WDR41: variants seen among roughly 807,000 people sequenced by gnomAD.
WDR41 encodes the protein WD repeat domain 41.
A neutral mutation model predicts 69.3 loss-of-function variants in WDR41; 63 were observed. That is an observed-to-expected ratio of 0.91 (90% confidence interval 0.74 to 1.12). The LOEUF (loss-of-function observed/expected upper bound fraction) is 1.12, where lower values mean the gene tolerates loss of function less well. Ranked by LOEUF, WDR41 falls within the 50% of genes most tolerant of loss-of-function variation. WDR41 has a pLI of 0.00. For missense variants in WDR41, 543 were observed against 534.5 expected, an observed-to-expected ratio of 1.02 and a Z score of -0.16; for synonymous variants, 185 against 192.1, an observed-to-expected ratio of 0.96 and a Z score of 0.31.
intron 3 of WDR41, among the ~76,000 whole-genome samples, chr5:77,464,477 C>T (rs1336608469): frequency 6.6e-6 from 1 of 151,582 alleles, no homozygotes; most frequent in Non-Finnish European, 1.5e-5. Flanking sequence ...AAACTCCTGG[C>T]CCCAAGTTAT....
At chr5:77,602,667 G>C (rs1175827450) in intron 1 of WDR41, among the ~76,000 whole-genome samples, 1 of 152,056 alleles carries the variant, frequency 6.6e-6, no homozygotes, top group African/African-American at 2.4e-5. Context: ...TGGACATTTA[G>C]GTTGATTCCA....
At chr5:77,532,781 A>G (rs1391321723) in intron 1 of WDR41, among the ~76,000 whole-genome samples, 3 of 152,128 alleles carry the variant, frequency 2.0e-5, no homozygotes, top group Non-Finnish European at 4.4e-5. Flanking sequence ...TACAGTAAAT[A>G]TGAATTATTG....
chr5:77,487,983 T>C (rs1445756424), intron 2 of WDR41, among the ~76,000 whole-genome samples: 1 of 152,208 alleles, frequency 6.6e-6, no homozygotes, highest in Non-Finnish European at 1.5e-5. Flanking sequence ...TGGGACCCCC[T>C]AGGCCTTGCC....
intron 1 of WDR41, among the ~76,000 whole-genome samples, chr5:77,510,294 C>T (rs1322688388): frequency 2.0e-5 from 3 of 152,160 alleles, no homozygotes; most frequent in Non-Finnish European, 4.4e-5. Context: ...CATTCACTCT[C>T]ACAAGAACAG....
intron 1 of WDR41, among the ~76,000 whole-genome samples, chr5:77,573,930 A>G (rs1743778112): frequency 6.6e-6 from 1 of 152,152 alleles, no homozygotes; most frequent in Admixed American, 6.6e-5. Context: ...CCCTGGTCTC[A>G]TTATTGCTTG....
chr5:77,551,925 G>A (rs1217961472), intron 1 of WDR41, among the ~76,000 whole-genome samples: 1 of 151,372 alleles, frequency 6.6e-6, no homozygotes, highest in African/African-American at 2.4e-5. Context: ...GTTGCAGCGA[G>A]CCGAGATCGT....
intron 1 of WDR41, among the ~76,000 whole-genome samples, chr5:77,531,117 A>G: frequency 6.6e-6 from 1 of 152,040 alleles, no homozygotes; most frequent in South Asian, 2.1e-4. Context: ...TAGATATAAA[A>G]CCAAAAGTAC....
intron 1 of WDR41, among the ~76,000 whole-genome samples, chr5:77,507,738 C>G (rs1014790391): frequency 1.3e-5 from 2 of 152,120 alleles, no homozygotes; most frequent in African/African-American, 4.8e-5. Context: ...AGGTATGGAT[C>G]TCTTTGTTTA....
rs71606297 is a variant in WDR41, at chr5:77,464,274, C to CTTTTTTTTT, written c.216+478_216+486dup. On this transcript the variant is annotated intron_variant, in intron 3 of 12. Coordinates refer to ENST00000296679, the MANE Select transcript of WDR41 (RefSeq NM_018268.4). ...TTGGCATTTGTTTCTTAGGAAAAAACTTTTTTTTTTTTTTTTTTTTTTTGA... is the reference window on the plus strand; with the variant it reads ...TTGGCATTTGTTTCTTAGGAAAAAACTTTTTTTTTTTTTTTTTTTTTTTTTTTTTTTTGA... 7.2e-4 allele frequency among the ~76,000 whole-genome samples: 68 copies of CTTTTTTTTT among 94,220 alleles called. 1 individual carries two copies. Among genetic ancestry groups the CTTTTTTTTT allele is most frequent in the Non-Finnish European group, 9.2e-4 (47 of 51,006 alleles). 61.8% of individuals were successfully genotyped at this position (94,220 alleles called of 152,430 possible).
chr5:77,582,891 C>A (rs567971374), intron 1 of WDR41: 3 of 1,607,242 alleles, frequency 1.9e-6, no homozygotes, highest in East Asian at 4.5e-5. Context: ...TGACAGATAA[C>A]GCTTTGATTG....
chr5:77,541,377 A>T (rs1743084589), intron 1 of WDR41, among the ~76,000 whole-genome samples: 1 of 151,508 alleles, frequency 6.6e-6, no homozygotes, highest in Non-Finnish European at 1.5e-5. Flanking sequence ...ATCATTAGAG[A>T]AATGCAAATC....
At chr5:77,547,097 A>T (rs1023710294) in intron 1 of WDR41, among the ~76,000 whole-genome samples, 1 of 152,114 alleles carries the variant, frequency 6.6e-6, no homozygotes, top group Non-Finnish European at 1.5e-5. Context: ...ACTCTCAGCA[A>T]AATCAGCATA....
At position 77,491,977 on chromosome 5, in the gene WDR41, C is replaced by G. The variant is rs1801814533; in HGVS notation, c.51+193G>C. 3 of 649,828 alleles carry G rather than the reference C, an allele frequency of 4.6e-6. No homozygotes were observed. The South Asian group carries it at 6.6e-5, about 14-fold the overall frequency. 40.3% of individuals were successfully genotyped at this position (649,828 alleles called of 1,614,324 possible). ...CAGCTCCAGGGTGCGCCTGGGGTCC[C>G]GCCGGGTCTGAGGAGCTCCGGCTCC... is the stretch of plus-strand genomic sequence containing the variant. On this transcript the variant is annotated intron_variant, in intron 1 of 12. Transcript: ENST00000296679.
At chr5:77,594,910 A>G (rs780714416) in intron 1 of WDR41, among the ~76,000 whole-genome samples, 1 of 152,250 alleles carries the variant, frequency 6.6e-6, no homozygotes, top group Non-Finnish European at 1.5e-5. Context: ...TCAGAGCATT[A>G]GAAAATAGAT....
At position 77,497,719 on chromosome 5, in the gene WDR41, A is replaced by G. The variant is rs568054223; in HGVS notation, c.43-8147T>C. On this transcript the variant is annotated intron_variant, in intron 1 of 5. Transcript: ENST00000509971. ...CTCGAAAGTTAAACATACAACTACC[A>G]TATGACCCAGCAAGTCCACCTCTAG... Among the ~76,000 whole-genome samples, 12 of 152,278 alleles carry G rather than the reference A, an allele frequency of 7.9e-5. No individual in the cohort carries two copies. In the South Asian group the frequency reaches 2.5e-3, roughly 32 times the overall value.
chr5:77,488,313 A>G (rs561662074), intron 2 of WDR41, among the ~76,000 whole-genome samples: 55 of 152,314 alleles, frequency 3.6e-4, no homozygotes, highest in African/African-American at 1.3e-3. Flanking sequence ...TAAAGAGCAG[A>G]GAGAAGGCTG....
At chr5:77,553,389 G>A (rs1743333068) in intron 1 of WDR41, among the ~76,000 whole-genome samples, 1 of 152,110 alleles carries the variant, frequency 6.6e-6, no homozygotes, top group African/African-American at 2.4e-5. Context: ...GCCTAAGCTA[G>A]TTCCCTCCAG....
At chr5:77,556,091 T>C (rs1456625640) in intron 1 of WDR41, among the ~76,000 whole-genome samples, 4 of 138,004 alleles carry the variant, frequency 2.9e-5, no homozygotes, top group Non-Finnish European at 6.2e-5. Context: ...GGGGAAAAGA[T>C]GGACTTTTTT....
intron 1 of WDR41, among the ~76,000 whole-genome samples, chr5:77,592,957 C>A (rs1445144661): frequency 3.9e-4 from 59 of 152,128 alleles, no homozygotes; most frequent in Admixed American, 3.7e-3. Context: ...ACATTGCTAG[C>A]AATAAACTAA....
Sources: allele counts gnomAD v4.1 joint callset (sites outside exome capture counted in the v4.1 genomes callset), GRCh38; gene constraint gnomAD v4.1.1; transcripts MANE v1.5; gene names NCBI Gene and HGNC (gene_info 2026-07-23, HGNC 2026-07-21).